The following ASIC2 variants were observed in gnomAD, a reference collection of about 807,000 sequenced individuals.
ASIC2 encodes acid-sensing ion channel 2.
In ASIC2, 25 loss-of-function variants were observed where a neutral mutation model predicts 57.3. The ratio of observed to expected loss-of-function variants is 0.44; its 90% CI spans 0.32 to 0.61. The LOEUF (loss-of-function observed/expected upper bound fraction) is 0.61, where lower values mean the gene tolerates loss of function less well. Among genes scored for constraint, ASIC2 ranks in the 20% least tolerant of loss-of-function variants. ASIC2 has a pLI of 0.06. For synonymous variants in ASIC2, 319 were observed against 307.5 expected (o/e 1.04, Z -0.39); for missense variants, 641 against 738.1 (o/e 0.87, Z 1.52).
chr17:33,367,449 C>T (rs1438198697), intron 1 of ASIC2, among the ~76,000 whole-genome samples: 1 of 152,212 alleles, frequency 6.6e-6, no homozygotes, highest in Non-Finnish European at 1.5e-5. Context: ...AAGAATCTCA[C>T]TAAAGAAAGA....
chr17:33,586,868 TA>T (rs1473467164), intron 1 of ASIC2, among the ~76,000 whole-genome samples: 1 of 152,230 alleles, frequency 6.6e-6, no homozygotes, highest in Admixed American at 6.5e-5. Context: ...TTGTTCATTA[TA>T]CACCTCTCTG....
intron 1 of ASIC2, among the ~76,000 whole-genome samples, chr17:33,149,994 T>C (rs1405763238): frequency 6.6e-6 from 1 of 152,228 alleles, no homozygotes. Context: ...TTGCTAATTA[T>C]TTTAAGATAA....
intron 1 of ASIC2, among the ~76,000 whole-genome samples, chr17:33,471,590 G>A (rs887036922): frequency 6.6e-6 from 1 of 152,124 alleles, no homozygotes; most frequent in South Asian, 2.1e-4. Flanking sequence ...TACAATGACA[G>A]TGCAGAGGGG....
chr17:33,697,621 C>T (rs983998943), intron 1 of ASIC2, among the ~76,000 whole-genome samples: 1 of 152,202 alleles, frequency 6.6e-6, no homozygotes, highest in Non-Finnish European at 1.5e-5. Flanking sequence ...TAGGCTACCA[C>T]CTTTCTCCCA....
chr17:33,809,262 C>T (rs577424219), intron 1 of ASIC2, among the ~76,000 whole-genome samples: 4 of 152,204 alleles, frequency 2.6e-5, no homozygotes, highest in Admixed American at 6.5e-5. Flanking sequence ...TCTCAACTGG[C>T]GTTCCAGCCC....
At chr17:33,024,103 A>G (rs16569) in intron 5 of ASIC2, 89 bp from the exon 6 acceptor site, 861,686 of 1,549,468 alleles carry the variant, frequency 0.56, 241,704 homozygotes, top group Admixed American at 0.75. Flanking sequence ...CAGCTGAGAA[A>G]TGAGCTGGGA....
intron 1 of ASIC2, among the ~76,000 whole-genome samples, chr17:33,350,810 T>C (rs1373746607): frequency 4.6e-5 from 7 of 152,148 alleles, no homozygotes; most frequent in African/African-American, 1.7e-4. Flanking sequence ...GATCTTTTAG[T>C]TTCTTGTTGC....
At chr17:33,486,142 G>T (rs888483709) in intron 1 of ASIC2, among the ~76,000 whole-genome samples, 5 of 152,144 alleles carry the variant, frequency 3.3e-5, no homozygotes, top group Admixed American at 2.6e-4. Context: ...CATCATCTTT[G>T]CCCCTCACCT....
At chr17:33,785,505 CA>C (rs1911576523) in intron 1 of ASIC2, among the ~76,000 whole-genome samples, 3 of 152,160 alleles carry the variant, frequency 2.0e-5, no homozygotes, top group African/African-American at 7.2e-5. Context: ...GTGGCTGAAC[CA>C]GGATTCAAAT....
At chr17:33,580,577 T>A (rs2141999379) in intron 1 of ASIC2, among the ~76,000 whole-genome samples, 1 of 152,234 alleles carries the variant, frequency 6.6e-6, no homozygotes, top group East Asian at 1.9e-4. Flanking sequence ...AGGGTCCTAA[T>A]GGCTCCCTGC....
intron 1 of ASIC2, among the ~76,000 whole-genome samples, chr17:33,202,483 C>A (rs953285519): frequency 6.6e-6 from 1 of 152,058 alleles, no homozygotes; most frequent in Non-Finnish European, 1.5e-5. Context: ...AGAGATTGTC[C>A]GCCCCATCTG....
intron 1 of ASIC2, among the ~76,000 whole-genome samples, chr17:33,632,983 AG>A (rs768109123): frequency 3.2e-4 from 48 of 152,212 alleles, no homozygotes; most frequent in Non-Finnish European, 5.6e-4. Context: ...TAGTTGAGGA[AG>A]AAGACCCAGA....
At chr17:33,970,582 A>G (rs1193421647) in intron 1 of ASIC2, among the ~76,000 whole-genome samples, 1 of 152,124 alleles carries the variant, frequency 6.6e-6, no homozygotes, top group Non-Finnish European at 1.5e-5. Context: ...AGCGGCCTCC[A>G]CTCCAACCTG....
At chr17:33,474,104 C>T (rs1000106747) in intron 1 of ASIC2, among the ~76,000 whole-genome samples, 1 of 152,166 alleles carries the variant, frequency 6.6e-6, no homozygotes, top group Non-Finnish European at 1.5e-5. Context: ...TGGTGGCTTA[C>T]GCCTGTAATC....
intron 3 of ASIC2, among the ~76,000 whole-genome samples, chr17:33,070,948 G>T (rs2092066613): frequency 6.7e-6 from 1 of 150,162 alleles, no homozygotes; most frequent in African/African-American, 2.5e-5. Context: ...CTTCTCTGTT[G>T]CATTGTTTCT....
chr17:33,424,279 T>C (rs1911142230), intron 1 of ASIC2, among the ~76,000 whole-genome samples: 1 of 152,194 alleles, frequency 6.6e-6, no homozygotes, highest in South Asian at 2.1e-4. Context: ...ACTATGTGGC[T>C]GCCAGAAGTT....
intron 1 of ASIC2, among the ~76,000 whole-genome samples, chr17:33,650,470 C>T (rs1482187534): frequency 6.6e-6 from 1 of 152,180 alleles, no homozygotes; most frequent in Admixed American, 6.5e-5. Flanking sequence ...GCAATTGCAC[C>T]TCTGGGCATT....
intron 1 of ASIC2, among the ~76,000 whole-genome samples, chr17:33,547,499 T>C (rs1341215653): frequency 1.3e-5 from 2 of 152,098 alleles, no homozygotes; most frequent in Non-Finnish European, 2.9e-5. Context: ...CCTCATACCC[T>C]CCCAGGTATC....
At chr17:33,706,234 T>A (rs1313151386) in intron 1 of ASIC2, among the ~76,000 whole-genome samples, 1 of 149,778 alleles carries the variant, frequency 6.7e-6, no homozygotes, top group African/African-American at 2.4e-5. Flanking sequence ...TATATATGTA[T>A]ATTTTTGAGA....
Sources: gnomAD v4.1 joint callset for allele counts (sites outside exome capture counted in the v4.1 genomes callset) on GRCh38, gnomAD v4.1.1 for gene constraint, MANE v1.5 for transcripts, NCBI Gene and HGNC (gene_info 2026-07-23, HGNC 2026-07-21) for gene names.